The following DAB1 variants were observed in gnomAD, a reference collection of about 807,000 sequenced individuals.
The protein encoded by DAB1 is DAB adaptor protein 1.
Under a neutral mutation model 64.6 loss-of-function variants are expected in DAB1, and 15 were observed. The ratio of observed to expected loss-of-function variants is 0.23; its 90% CI spans 0.16 to 0.36. The LOEUF is 0.36. Among genes scored for constraint, DAB1 ranks in the 10% least tolerant of loss-of-function variants. The pLI is 1.00. For missense variants in DAB1, 596 were observed against 706.7 expected, an observed-to-expected ratio of 0.84 and a Z score of 1.78; for synonymous variants, 235 against 251.9, an observed-to-expected ratio of 0.93 and a Z score of 0.64.
In DAB1 at chr1:57,062,053, T is replaced by C. The variant is rs1429444885; in HGVS notation, c.723+831A>G. 2.0e-5 allele frequency among the ~76,000 whole-genome samples: 3 copies of C among 152,178 alleles called. No individual in the cohort carries two copies. The East Asian group carries it at 5.8e-4, about 29-fold the overall frequency. On this transcript the variant is annotated intron_variant, in intron 9 of 14. Transcript: ENST00000371236. ...ACTGGCTCCCGAGAGCTGCCTGAAT[T>C]ATGTATAGAGGTTGCCTTCTGCATG...
Position 58,251,155 on chromosome 1 carries a change from A to AT in DAB1, n.309+92196dup, listed in dbSNP as rs1660785015. Among the ~76,000 whole-genome samples the AT allele has an allele frequency of 2.6e-5, 4 of 152,236 alleles. No homozygotes were observed. The South Asian group carries it at 8.3e-4, about 32-fold the overall frequency. ...CACAGAGCTTGACACATGGTAAGTG[A>AT]TAGCAAAACATGAGTTTTTCTTCCT... On this transcript the variant is annotated intron_variant and non_coding_transcript_variant, in intron 4 of 20. Transcript: ENST00000485760.
intron 5 of DAB1, among the ~76,000 whole-genome samples, chr1:58,115,844 C>T (rs1272577193): frequency 9.1e-6 from 1 of 109,654 alleles, no homozygotes; most frequent in Non-Finnish European, 1.8e-5. Flanking sequence ...GTGGTGGGGT[C>T]GGGGGAGGGG....
intron 5 of DAB1, among the ~76,000 whole-genome samples, chr1:57,985,989 C>T (rs553910956): frequency 1.3e-5 from 2 of 152,270 alleles, no homozygotes; most frequent in South Asian, 4.1e-4. Context: ...GATGAAGCAG[C>T]TGAAGCTCAG....
chr1:58,266,947 C>T (rs1464681332), intron 4 of DAB1, among the ~76,000 whole-genome samples: 4 of 151,722 alleles, frequency 2.6e-5, no homozygotes, highest in East Asian at 1.9e-4. Flanking sequence ...AGGCTGGGCG[C>T]GGTGGCTCAT....
At chr1:57,811,279 G>C (rs1488629822) in intron 6 of DAB1, among the ~76,000 whole-genome samples, 1 of 152,230 alleles carries the variant, frequency 6.6e-6, no homozygotes, top group Non-Finnish European at 1.5e-5. Context: ...CTGGTGGAAG[G>C]TGATTAGATC....
chr1:58,168,761 C>T (rs542106047), intron 4 of DAB1, among the ~76,000 whole-genome samples: 6 of 152,140 alleles, frequency 3.9e-5, no homozygotes, highest in African/African-American at 1.4e-4. Context: ...ACTCTTCCTA[C>T]CCTGGAGATC....
At chr1:57,829,921 ATGATACTATG>A (rs1459551129) in intron 1 of DAB1, among the ~76,000 whole-genome samples, 4 of 152,234 alleles carry the variant, frequency 2.6e-5, no homozygotes, top group Non-Finnish European at 4.4e-5. Flanking sequence ...CTTAAGATGT[ATGATACTATG>A]TTGATATGTT....
intron 9 of DAB1, among the ~76,000 whole-genome samples, chr1:57,050,443 G>T (rs1026849703): frequency 2.6e-5 from 4 of 152,172 alleles, no homozygotes; most frequent in African/African-American, 7.2e-5. Context: ...CTCATCTCCT[G>T]CTCCCATGGA....
At chr1:57,168,385 T>G (rs1464086845) in intron 2 of DAB1, among the ~76,000 whole-genome samples, 1 of 152,308 alleles carries the variant, frequency 6.6e-6, no homozygotes, top group East Asian at 1.9e-4. Flanking sequence ...TCTTTCCCAT[T>G]GGAATGACAC....
chr1:57,094,835 G>A (rs1654011846), intron 4 of DAB1, among the ~76,000 whole-genome samples: 1 of 152,084 alleles, frequency 6.6e-6, no homozygotes, highest in Non-Finnish European at 1.5e-5. Context: ...TCAGGAGGTA[G>A]GGTTCTGTGG....
intron 7 of DAB1, among the ~76,000 whole-genome samples, chr1:57,551,564 T>C (rs1376648145): frequency 6.6e-6 from 1 of 152,170 alleles, no homozygotes; most frequent in Non-Finnish European, 1.5e-5. Flanking sequence ...TCGGCTTCCC[T>C]CTCATAGTGT....
chr1:58,228,267 C>T (rs950393520), intron 4 of DAB1, among the ~76,000 whole-genome samples: 6 of 152,094 alleles, frequency 3.9e-5, no homozygotes, highest in African/African-American at 1.2e-4. Context: ...AAACCGAATG[C>T]TGATAAGCCA....
At chr1:57,515,060 T>C (rs1394844419) in intron 7 of DAB1, among the ~76,000 whole-genome samples, 1 of 152,002 alleles carries the variant, frequency 6.6e-6, no homozygotes, top group Non-Finnish European at 1.5e-5. Flanking sequence ...ATATCTCTCT[T>C]TAGGCACCTA....
intron 6 of DAB1, among the ~76,000 whole-genome samples, chr1:57,674,496 G>C (rs573972386): frequency 6.6e-6 from 1 of 152,094 alleles, no homozygotes; most frequent in Non-Finnish European, 1.5e-5. Flanking sequence ...GATCTAATTG[G>C]TAAGGAGGCA....
chr1:57,875,639 GT>G (rs1644032447), intron 1 of DAB1, among the ~76,000 whole-genome samples: 1 of 152,160 alleles, frequency 6.6e-6, no homozygotes, highest in Non-Finnish European at 1.5e-5. Context: ...GACTAGCATA[GT>G]TTTTAGAATT....
intron 3 of DAB1, among the ~76,000 whole-genome samples, chr1:58,360,571 C>T (rs1644155628): frequency 6.6e-6 from 1 of 151,920 alleles, no homozygotes; most frequent in Admixed American, 6.6e-5. Context: ...CTTTCTTCCA[C>T]AACCATGGAG....
intron 14 of DAB1, among the ~76,000 whole-genome samples, chr1:57,000,035 T>G (rs1295538523): frequency 1.3e-5 from 2 of 149,172 alleles, no homozygotes; most frequent in African/African-American, 4.9e-5. Flanking sequence ...GCCAGTTCCT[T>G]CTGCCTTTTT....
chr1:57,343,435 C>G (rs889483242), intron 1 of DAB1, among the ~76,000 whole-genome samples: 1 of 152,240 alleles, frequency 6.6e-6, no homozygotes, highest in Non-Finnish European at 1.5e-5. Context: ...CCTGCCAGTC[C>G]CGCACCGTGC....
intron 3 of DAB1, among the ~76,000 whole-genome samples, chr1:58,414,139 T>C (rs1295387999): frequency 1.3e-5 from 2 of 152,208 alleles, no homozygotes; most frequent in African/African-American, 4.8e-5. Flanking sequence ...CTGTCACACA[T>C]GTGTTCTGTC....
Sources: gnomAD v4.1 joint callset for allele counts (sites outside exome capture counted in the v4.1 genomes callset) on GRCh38, gnomAD v4.1.1 for gene constraint, MANE v1.5 for transcripts, NCBI Gene and HGNC (gene_info 2026-07-23, HGNC 2026-07-21) for gene names.